Variants in MDGA2 observed in about 807,000 individuals in gnomAD.
MDGA2 encodes MAM domain-containing glycosylphosphatidylinositol anchor protein 2.
MDGA2 carries 40 observed loss-of-function variants against 117.8 expected under a neutral mutation model. The ratio of observed to expected loss-of-function variants is 0.34; its 90% CI spans 0.26 to 0.44. The LOEUF is 0.44. Among genes scored for constraint, MDGA2 ranks in the 20% least tolerant of loss-of-function variants. The pLI is 1.00. For synonymous variants in MDGA2, 452 were observed against 439.0 expected (o/e 1.03, Z -0.37); for missense variants, 1,123 against 1,250.6 (o/e 0.90, Z 1.54).
chr14:46,902,874 C>G (rs1883343631), intron 10 of MDGA2, among the ~76,000 whole-genome samples: 1 of 152,162 alleles, frequency 6.6e-6, no homozygotes, highest in African/African-American at 2.4e-5. Flanking sequence ...ATACACAGAC[C>G]TAGTTAAATA....
rs188923998 is a variant in MDGA2 at position 47,170,030 on chromosome 14, C to T, written c.596-25756G>A. On this transcript the variant is annotated intron_variant, in intron 3 of 16. Transcript: ENST00000399232. ...ATACAAAATGTTAAATATAATATTG[C>T]AACAATCCGGAGTTAATCTGCCTAT... 3.0e-3 allele frequency among the ~76,000 whole-genome samples: 453 copies of T among 152,168 alleles called. 3 individuals carry two copies. Among genetic ancestry groups the T allele is most frequent in the African/African-American group, 0.011 (443 of 41,528 alleles).
chr14:47,623,744 T>C (rs1897091818), intron 1 of MDGA2, among the ~76,000 whole-genome samples: 1 of 152,196 alleles, frequency 6.6e-6, no homozygotes, highest in African/African-American at 2.4e-5. Flanking sequence ...AACACTTGCC[T>C]AAAATCCCAA....
intron 1 of MDGA2, among the ~76,000 whole-genome samples, chr14:47,507,739 T>G (rs998809883): frequency 6.6e-6 from 1 of 152,236 alleles, no homozygotes; most frequent in Non-Finnish European, 1.5e-5. Context: ...GATCTTATCT[T>G]CAGTGTCAGA....
intron 1 of MDGA2, among the ~76,000 whole-genome samples, chr14:47,308,782 G>T (rs2139835520): frequency 6.6e-6 from 1 of 151,966 alleles, no homozygotes; most frequent in South Asian, 2.1e-4. Context: ...AGCCATCCTT[G>T]GCATGTGCTT....
At chr14:47,274,393 T>G (rs1004755620) in intron 2 of MDGA2, among the ~76,000 whole-genome samples, 2 of 152,128 alleles carry the variant, frequency 1.3e-5, no homozygotes, top group African/African-American at 4.8e-5. Flanking sequence ...TCTTCCTTTT[T>G]GCGCATGTAT....
chr14:47,461,875 A>T (rs1051417499), intron 1 of MDGA2, among the ~76,000 whole-genome samples: 2 of 152,154 alleles, frequency 1.3e-5, no homozygotes, highest in Admixed American at 6.5e-5. Flanking sequence ...CAATAACAAA[A>T]TAAACCCATA....
At chr14:47,405,278 T>C (rs1023693361) in intron 1 of MDGA2, among the ~76,000 whole-genome samples, 1 of 152,196 alleles carries the variant, frequency 6.6e-6, no homozygotes, top group Admixed American at 6.5e-5. Context: ...ATTTAAGCCA[T>C]ACCCTCATTT....
At chr14:47,643,427 A>G (rs1297440618) in intron 1 of MDGA2, among the ~76,000 whole-genome samples, 1 of 152,084 alleles carries the variant, frequency 6.6e-6, no homozygotes, top group Non-Finnish European at 1.5e-5. Context: ...CTACACCATC[A>G]GATTTGCTAT....
At chr14:47,066,440 C>T (rs1890084328) in intron 6 of MDGA2, among the ~76,000 whole-genome samples, 1 of 152,100 alleles carries the variant, frequency 6.6e-6, no homozygotes, top group South Asian at 2.1e-4. Flanking sequence ...ATTTGATGTC[C>T]TCAAGGATTC....
At chr14:46,944,930 A>G (rs1885120201) in intron 9 of MDGA2, among the ~76,000 whole-genome samples, 1 of 152,022 alleles carries the variant, frequency 6.6e-6, no homozygotes, top group African/African-American at 2.4e-5. Flanking sequence ...GCTAAATCCA[A>G]CATCTGGCCT....
At chr14:47,408,226 T>C (rs940091677) in intron 1 of MDGA2, among the ~76,000 whole-genome samples, 1 of 152,218 alleles carries the variant, frequency 6.6e-6, no homozygotes, top group South Asian at 2.1e-4. Flanking sequence ...CAGCTAATTT[T>C]TGTACTTTTA....
intron 1 of MDGA2, among the ~76,000 whole-genome samples, chr14:47,590,217 C>T (rs1350716740): frequency 6.6e-6 from 1 of 151,782 alleles, no homozygotes; most frequent in African/African-American, 2.4e-5. Context: ...TAGCCACACC[C>T]TACAGTATAA....
chr14:47,621,526 T>C (rs990204205), intron 1 of MDGA2, among the ~76,000 whole-genome samples: 17 of 152,304 alleles, frequency 1.1e-4, no homozygotes, highest in East Asian at 1.9e-4. Flanking sequence ...CCTCTTTTCA[T>C]GTAATTCTCT....
chr14:47,329,409 TCTA>T, intron 1 of MDGA2, among the ~76,000 whole-genome samples: 1 of 152,114 alleles, frequency 6.6e-6, no homozygotes, highest in East Asian at 1.9e-4. Context: ...AGGGTATCAC[TCTA>T]ATAGGGAGGG....
intron 8 of MDGA2, among the ~76,000 whole-genome samples, chr14:46,960,966 AC>A: frequency 6.7e-6 from 1 of 149,650 alleles, no homozygotes; most frequent in South Asian, 2.1e-4. Flanking sequence ...ACACACACAC[AC>A]ACATAAAACA....
At chr14:47,424,732 G>A (rs540976549) in intron 1 of MDGA2, among the ~76,000 whole-genome samples, 2 of 152,276 alleles carry the variant, frequency 1.3e-5, no homozygotes, top group Non-Finnish European at 2.9e-5. Flanking sequence ...ATGTGACATA[G>A]GTAACTGATC....
chr14:47,442,680 T>C (rs1893037412), intron 1 of MDGA2, among the ~76,000 whole-genome samples: 1 of 152,120 alleles, frequency 6.6e-6, no homozygotes, highest in South Asian at 2.1e-4. Context: ...AAGCCCAGCA[T>C]ATACTCTAAT....
intron 1 of MDGA2, among the ~76,000 whole-genome samples, chr14:47,515,342 C>T (rs960960634): frequency 3.3e-5 from 5 of 152,122 alleles, no homozygotes; most frequent in Admixed American, 6.6e-5. Context: ...CTGTGAATAA[C>T]CTGTGAATAC....
chr14:46,878,155 T>TC (rs1882305966), intron 11 of MDGA2, among the ~76,000 whole-genome samples: 1 of 151,888 alleles, frequency 6.6e-6, no homozygotes, highest in African/African-American at 2.4e-5. Context: ...GAATTTTTTT[T>TC]CCCCTAAAAC....
Sources: allele counts gnomAD v4.1 joint callset (sites outside exome capture counted in the v4.1 genomes callset), GRCh38; gene constraint gnomAD v4.1.1; transcripts MANE v1.5; gene names NCBI Gene and HGNC (gene_info 2026-07-23, HGNC 2026-07-21).